CYRIB: variants seen among roughly 807,000 people sequenced by gnomAD.
CYRIB encodes CYFIP related Rac1 interactor B, also known as CYFIP-related Rac1 interactor B.
CYRIB carries 8 observed loss-of-function variants against 44.2 expected under a neutral mutation model. The ratio of observed to expected loss-of-function variants is 0.18; its 90% confidence interval spans 0.11 to 0.33. The LOEUF (loss-of-function observed/expected upper bound fraction) is 0.33. Among genes scored for constraint, CYRIB ranks in the 10% least tolerant of loss-of-function variants. The pLI is 1.00. For synonymous variants in CYRIB, 131 were observed against 127.2 expected, an observed-to-expected ratio of 1.03 and a Z score of -0.20; for missense variants, 185 against 382.8, an observed-to-expected ratio of 0.48 and a Z score of 4.31.
At chr8:129,961,191 G>A (rs1398430906) in intron 2 of CYRIB, among the ~76,000 whole-genome samples, 1 of 152,134 alleles carries the variant, frequency 6.6e-6, no homozygotes, top group Non-Finnish European at 1.5e-5. Context: ...TGGGCAGGAG[G>A]AGCCATGTCA....
At chr8:130,002,887 C>T (rs557883196) in intron 1 of CYRIB, among the ~76,000 whole-genome samples, 15 of 152,234 alleles carry the variant, frequency 9.9e-5, no homozygotes, top group African/African-American at 3.4e-4. Context: ...GGCTTGAGCT[C>T]GAATTTGAGA....
chr8:129,856,543 A>T (rs960745477), intron 5 of CYRIB, among the ~76,000 whole-genome samples: 1 of 152,232 alleles, frequency 6.6e-6, no homozygotes, highest in African/African-American at 2.4e-5. Context: ...CTGGTCAGAG[A>T]AAATAAGAGC....
In CYRIB at chr8:129,929,286, A is replaced by AGAGAGG. The variant is rs376121430; in HGVS notation, c.-50+10316_-50+10321dup. On this transcript the variant is annotated intron_variant, in intron 1 of 11. Transcript: ENST00000519824. The stretch of plus-strand genomic sequence containing the variant: ...AAAGAGGGAGACACGGGGAGAAGAG[A>AGAGAGG]GAGAGGGAGAGGGAGAGGGAGAGGA... Among the ~76,000 whole-genome samples the AGAGAGG allele has an allele frequency of 4.4e-3, 663 of 151,910 alleles. 4 individuals carry two copies. The highest frequency in any genetic ancestry group is 0.014 in the African/African-American group (593 of 41,414).
chr8:129,982,049 G>A (rs989367738), intron 1 of CYRIB, among the ~76,000 whole-genome samples: 2 of 152,226 alleles, frequency 1.3e-5, no homozygotes, highest in Non-Finnish European at 2.9e-5. Context: ...GTGAACAGGG[G>A]ATCAACTTGT....
chr8:129,881,016 T>C (rs2060626810), intron 2 of CYRIB, among the ~76,000 whole-genome samples: 1 of 152,216 alleles, frequency 6.6e-6, no homozygotes, highest in Non-Finnish European at 1.5e-5. Flanking sequence ...TAATCAAACT[T>C]ATTATTTAAC....
intron 4 of CYRIB, among the ~76,000 whole-genome samples, chr8:129,869,325 G>A (rs2133064386): frequency 6.9e-6 from 1 of 145,932 alleles, no homozygotes; most frequent in East Asian, 2.1e-4. Context: ...GGAGGTTGCT[G>A]AGCCGAGATT....
intron 1 of CYRIB, among the ~76,000 whole-genome samples, chr8:129,927,490 G>A (rs73710967): frequency 0.014 from 2,166 of 152,232 alleles, 36 homozygotes; most frequent in African/African-American, 0.045. Flanking sequence ...CTCTCTTAAA[G>A]CTGACAATAA....
chr8:129,871,352 G>C (rs200551548), intron 4 of CYRIB, 23 bp downstream of exon 6: 10 of 1,589,550 alleles, frequency 6.3e-6, no homozygotes, highest in Non-Finnish European at 7.7e-6. Flanking sequence ...CAGTTAACTA[G>C]AAAATACATA....
chr8:129,874,163 AAG>A (rs2058333672), intron 3 of CYRIB, among the ~76,000 whole-genome samples: 1 of 152,204 alleles, frequency 6.6e-6, no homozygotes, highest in Non-Finnish European at 1.5e-5. Context: ...TTTAAAAAAA[AAG>A]TACCATTTAG....
chr8:129,955,478 C>T (rs182358195), intron 2 of CYRIB, among the ~76,000 whole-genome samples: 15 of 152,256 alleles, frequency 9.9e-5, no homozygotes, highest in African/African-American at 3.1e-4. Context: ...CTCCTACCTA[C>T]ACATCGAGGC....
intron 1 of CYRIB, among the ~76,000 whole-genome samples, chr8:129,928,081 A>G (rs1301569908): frequency 1.3e-5 from 2 of 152,072 alleles, no homozygotes; most frequent in African/African-American, 4.8e-5. Context: ...GGTGAGGCAA[A>G]GATTTCTTAG....
intron 1 of CYRIB, among the ~76,000 whole-genome samples, chr8:129,986,133 A>G (rs1159454704): frequency 1.3e-5 from 2 of 152,220 alleles, no homozygotes; most frequent in African/African-American, 4.8e-5. Context: ...TATTCTGGCC[A>G]TCACCCCTGA....
At chr8:129,966,789 G>C (rs1319991777) in intron 2 of CYRIB, among the ~76,000 whole-genome samples, 1 of 152,056 alleles carries the variant, frequency 6.6e-6, no homozygotes, top group Admixed American at 6.6e-5. Flanking sequence ...CTGCCACCTG[G>C]GTTCAAACAA....
At chr8:129,878,964 T>C (rs900430784) in intron 3 of CYRIB, among the ~76,000 whole-genome samples, 6 of 152,230 alleles carry the variant, frequency 3.9e-5, no homozygotes, top group Admixed American at 3.9e-4. Context: ...CATGAACAGA[T>C]TGATATTTGA....
At chr8:129,955,411 G>A (rs2094759073) in intron 2 of CYRIB, among the ~76,000 whole-genome samples, 1 of 151,954 alleles carries the variant, frequency 6.6e-6, no homozygotes, top group South Asian at 2.1e-4. Context: ...ACTGTTTCTT[G>A]CTGTTCCACC....
chr8:129,933,169 CGA>C (rs2092000677), intron 1 of CYRIB, among the ~76,000 whole-genome samples: 2 of 152,144 alleles, frequency 1.3e-5, no homozygotes, highest in South Asian at 2.1e-4. Flanking sequence ...CATTAAACTG[CGA>C]GAGAATGACC....
At chr8:129,952,245 G>A (rs2094542526) in intron 2 of CYRIB, among the ~76,000 whole-genome samples, 1 of 152,124 alleles carries the variant, frequency 6.6e-6, no homozygotes. Context: ...GGGTTTAGTA[G>A]AGATGGGGTT....
intron 3 of CYRIB, among the ~76,000 whole-genome samples, chr8:129,877,606 G>A (rs982863113): frequency 1.9e-4 from 28 of 149,442 alleles, no homozygotes; most frequent in Non-Finnish European, 2.8e-4. Context: ...CTAAGATTGC[G>A]CCACTGCACT....
intron 5 of CYRIB, among the ~76,000 whole-genome samples, chr8:129,857,425 A>C (rs187166516): frequency 6.6e-6 from 1 of 152,338 alleles, no homozygotes; most frequent in Admixed American, 6.5e-5. Flanking sequence ...AACTGAGAAG[A>C]GCATGACATA....
Sources: gnomAD v4.1 joint callset for allele counts (sites outside exome capture counted in the v4.1 genomes callset) on GRCh38, gnomAD v4.1.1 for gene constraint, MANE v1.5 for transcripts, NCBI Gene and HGNC (gene_info 2026-07-23, HGNC 2026-07-21) for gene names.